KAZN: variants seen among roughly 807,000 people sequenced by gnomAD.
KAZN encodes the protein kazrin, periplakin interacting protein, also known as kazrin.
A neutral mutation model predicts 87.4 loss-of-function variants in KAZN; 40 were observed. The observed-to-expected ratio is 0.46, with a 90% CI of 0.36 to 0.60. KAZN has a LOEUF of 0.60. KAZN is among the 20% of genes least tolerant of loss of function. The probability of loss-of-function intolerance (pLI) is 0.00; values close to 1 mark genes in which losing one functional copy is unlikely to be tolerated. For synonymous variants in KAZN, 466 were observed against 458.3 expected (o/e 1.02, Z -0.22); for missense variants, 898 against 1,073.9 (o/e 0.84, Z 2.29).
intron 1 of KAZN, among the ~76,000 whole-genome samples, chr1:14,014,122 A>T (rs1640451825): frequency 6.6e-6 from 1 of 152,002 alleles, no homozygotes; most frequent in African/African-American, 2.4e-5. Flanking sequence ...GCCACCACCC[A>T]CCATTGATGA....
At chr1:14,104,247 C>T (rs1252886306) in intron 1 of KAZN, among the ~76,000 whole-genome samples, 4 of 152,168 alleles carry the variant, frequency 2.6e-5, no homozygotes, top group East Asian at 1.9e-4. Flanking sequence ...GCTCCTTCCC[C>T]GCAAGGAGCA....
At chr1:15,041,331 C>CTTTTCTT (rs780656130) in intron 3 of KAZN, among the ~76,000 whole-genome samples, 1 of 114,172 alleles carries the variant, frequency 8.8e-6, no homozygotes, top group African/African-American at 3.5e-5. Context: ...CATTTTTTTT[C>CTTTTCTT]TTTTTTTTTT....
chr1:14,878,857 A>C (rs1217950396), intron 1 of KAZN, among the ~76,000 whole-genome samples: 3 of 152,184 alleles, frequency 2.0e-5, no homozygotes, highest in Non-Finnish European at 2.9e-5. Context: ...TTGAATATTC[A>C]TGAACGTATA....
chr1:14,096,317 C>G (rs901192046), intron 1 of KAZN, among the ~76,000 whole-genome samples: 4 of 152,170 alleles, frequency 2.6e-5, no homozygotes, highest in African/African-American at 9.7e-5. Context: ...TCTGGATTCA[C>G]AACGAATGTG....
intron 2 of KAZN, among the ~76,000 whole-genome samples, chr1:14,980,384 G>A (rs1051295771): frequency 6.6e-6 from 1 of 152,142 alleles, no homozygotes; most frequent in African/African-American, 2.4e-5. Flanking sequence ...CAGTGCTCAG[G>A]ATCTGAGTAG....
At chr1:15,046,394 C>T (rs1673530643) in intron 4 of KAZN, among the ~76,000 whole-genome samples, 1 of 151,912 alleles carries the variant, frequency 6.6e-6, no homozygotes, top group Admixed American at 6.6e-5. Flanking sequence ...TCGTTGTCTT[C>T]ACGCTGAGTG....
chr1:14,930,614 C>G (rs1011332145), intron 1 of KAZN, among the ~76,000 whole-genome samples: 1 of 152,210 alleles, frequency 6.6e-6, no homozygotes, highest in Non-Finnish European at 1.5e-5. Context: ...GCCATTCTCC[C>G]CATCTTACGG....
rs77461591 is a variant in KAZN, at chr1:14,693,684, T to C, written c.226+94461T>C. Among the ~76,000 whole-genome samples, 539 of 152,322 alleles carry C rather than the reference T, an allele frequency of 3.5e-3. 16 individuals carry two copies. The East Asian group carries it at 0.05, about 14-fold the overall frequency. On this transcript the variant is annotated intron_variant, in intron 1 of 14. Coordinates refer to ENST00000376030, the MANE Select transcript of KAZN (RefSeq NM_201628.3). ...CAGCTTACACCAGACTTGTCACCTG[T>C]CATTCAACAGGGTCTGTAACTGTTG...
chr1:14,178,912 T>C (rs1646139004), intron 1 of KAZN, among the ~76,000 whole-genome samples: 1 of 152,200 alleles, frequency 6.6e-6, no homozygotes, highest in African/African-American at 2.4e-5. Context: ...GCCTTTATTC[T>C]AGGAATCATT....
chr1:14,120,400 T>A (rs1000291878), intron 1 of KAZN, among the ~76,000 whole-genome samples: 1 of 151,958 alleles, frequency 6.6e-6, no homozygotes, highest in Non-Finnish European at 1.5e-5. Flanking sequence ...CACGATCAAA[T>A]CACCTCCCAC....
rs181874373 is a variant in KAZN, at chr1:14,205,566, G to A, written c.249+24974G>A. ...GGATTTTCTGTATAGCCAGCATTGC[G>A]AAAACACATCCTGTTGGTGAACACA... On this transcript the variant is annotated intron_variant, in intron 2 of 16. Transcript: ENST00000636203. Among the ~76,000 whole-genome samples, 18 of 152,054 alleles carry A rather than the reference G, an allele frequency of 1.2e-4. No homozygotes were observed. The East Asian group carries it at 1.5e-3, about 13-fold the overall frequency.
At chr1:14,683,526 C>T (rs1422856292) in intron 1 of KAZN, among the ~76,000 whole-genome samples, 3 of 152,210 alleles carry the variant, frequency 2.0e-5, no homozygotes, top group Non-Finnish European at 2.9e-5. Context: ...TCCACTCCAG[C>T]CCCTGTGACA....
At chr1:14,240,284 C>T (rs916432827) in intron 2 of KAZN, among the ~76,000 whole-genome samples, 8 of 152,218 alleles carry the variant, frequency 5.3e-5, no homozygotes, top group African/African-American at 1.9e-4. Context: ...GTGGTGAGGT[C>T]AGCTCCCTGG....
chr1:14,025,155 A>G (rs919036450), intron 1 of KAZN, among the ~76,000 whole-genome samples: 6 of 152,160 alleles, frequency 3.9e-5, no homozygotes, highest in Non-Finnish European at 8.8e-5. Flanking sequence ...CATTTTTTGC[A>G]TCTGAATTTG....
chr1:14,296,661 A>C (rs1654147130), intron 2 of KAZN, among the ~76,000 whole-genome samples: 1 of 143,150 alleles, frequency 7.0e-6, no homozygotes, highest in Non-Finnish European at 1.5e-5. Flanking sequence ...TTTGAGACAA[A>C]ATCTTGCTCT....
chr1:14,196,261 A>G (rs565977564), intron 2 of KAZN, among the ~76,000 whole-genome samples: 1 of 152,272 alleles, frequency 6.6e-6, no homozygotes, highest in African/African-American at 2.4e-5. Flanking sequence ...TGCTGAACAA[A>G]AGGGGGAGCC....
chr1:14,532,455 TTTATTATTATTATTA>T (rs58279675), intron 2 of KAZN, among the ~76,000 whole-genome samples: 20 of 148,414 alleles, frequency 1.3e-4, no homozygotes, highest in African/African-American at 4.7e-4. Context: ...AACATGTGTT[TTTATTATTATTATTA>T]TTATTATTAT....
At chr1:14,709,343 G>C (rs1258112660) in intron 1 of KAZN, among the ~76,000 whole-genome samples, 1 of 152,114 alleles carries the variant, frequency 6.6e-6, no homozygotes, top group Non-Finnish European at 1.5e-5. Context: ...CATTTAGAAG[G>C]AAGAATTCAG....
At chr1:14,893,174 A>C (rs2101179555) in intron 1 of KAZN, among the ~76,000 whole-genome samples, 1 of 152,202 alleles carries the variant, frequency 6.6e-6, no homozygotes, top group Middle Eastern at 3.4e-3. Context: ...GAGACCAACC[A>C]GACCAACATG....
Sources: allele counts gnomAD v4.1 joint callset (sites outside exome capture counted in the v4.1 genomes callset), GRCh38; gene constraint gnomAD v4.1.1; transcripts MANE v1.5; gene names NCBI Gene and HGNC (gene_info 2026-07-23, HGNC 2026-07-21).